Variants in TULP4 observed in about 807,000 individuals in gnomAD.
TULP4 encodes tubby-related protein 4.
A neutral mutation model predicts 129.0 loss-of-function variants in TULP4; 16 were observed. The ratio of observed to expected loss-of-function variants is 0.12; its 90% CI spans 0.08 to 0.19. TULP4 has a LOEUF of 0.19. Ranked by LOEUF, TULP4 falls within the 10% of genes least tolerant of loss-of-function variation. TULP4 has a pLI of 1.00. For synonymous variants in TULP4, 998 were observed against 854.0 expected (o/e 1.17, Z -2.94); for missense variants, 1,842 against 2,059.1 (o/e 0.89, Z 2.04).
intron 1 of TULP4, among the ~76,000 whole-genome samples, chr6:158,239,561 G>A (rs1283879416): frequency 2.0e-4 from 10 of 49,506 alleles, no homozygotes; most frequent in African/African-American, 2.7e-4. Flanking sequence ...CTCACCTCCC[G>A]GACGGGGCGG....
chr6:158,423,152 GA>G (rs1778392871), intron 2 of TULP4, among the ~76,000 whole-genome samples: 1 of 150,320 alleles, frequency 6.7e-6, no homozygotes, highest in African/African-American at 2.4e-5. Context: ...ACCTTCCCAG[GA>G]CCCCTTTTCC....
At chr6:158,257,803 G>A (rs1026892098) in intron 1 of TULP4, among the ~76,000 whole-genome samples, 1 of 152,172 alleles carries the variant, frequency 6.6e-6, no homozygotes, top group Admixed American at 6.5e-5. Context: ...TCAAAGCAGC[G>A]GTACGAAATA....
In TULP4 at chr6:158,458,036, A is replaced by G. The variant is rs538953652; in HGVS notation, c.860-3527A>G. On this transcript the variant is annotated intron_variant, in intron 5 of 13. Coordinates refer to ENST00000367097, the MANE Select transcript of TULP4 (RefSeq NM_020245.5). ...GCACGTGTGTATGCACATACACAAC[A>G]TGCATGTCTAATGACTAATAAAGAG... 6.8e-4 allele frequency among the ~76,000 whole-genome samples: 103 copies of G among 152,316 alleles called. 1 individual carries two copies. Among genetic ancestry groups the G allele is most frequent in the African/African-American group, 2.2e-3 (92 of 41,558 alleles).
chr6:158,423,125 G>T (rs905416622), intron 2 of TULP4, among the ~76,000 whole-genome samples: 66 of 102,936 alleles, frequency 6.4e-4, no homozygotes, highest in Non-Finnish European at 1.1e-3. Context: ...AAAAAAGAGG[G>T]GGGGGGGGGG....
intron 1 of TULP4, among the ~76,000 whole-genome samples, chr6:158,251,182 A>T (rs1778133171): frequency 6.6e-6 from 1 of 152,200 alleles, no homozygotes; most frequent in Admixed American, 6.5e-5. Context: ...GTTACCACAT[A>T]ATATTATTTT....
chr6:158,442,320 A>C (rs973971054), intron 3 of TULP4, among the ~76,000 whole-genome samples: 1 of 152,198 alleles, frequency 6.6e-6, no homozygotes, highest in Non-Finnish European at 1.5e-5. Context: ...GAAGAGTTGT[A>C]AAATTTTGAA....
intron 1 of TULP4, among the ~76,000 whole-genome samples, chr6:158,293,159 C>T (rs1466269527): frequency 6.6e-6 from 1 of 152,212 alleles, no homozygotes; most frequent in Admixed American, 6.5e-5. Context: ...TTCTCAGAAT[C>T]GGCTATTGAA....
intron 1 of TULP4, among the ~76,000 whole-genome samples, chr6:158,238,599 A>AT (rs1777773280): frequency 8.6e-6 from 1 of 115,684 alleles, no homozygotes; most frequent in African/African-American, 3.3e-5. Flanking sequence ...TGTGTCCCTG[A>AT]TTACTTGAGA....
Position 158,413,890 on chromosome 6 carries a change from C to A in TULP4, c.381+697C>A, listed in dbSNP as rs768993035. Among the ~76,000 whole-genome samples, 1 of 152,194 alleles carries A rather than the reference C, an allele frequency of 6.6e-6. No homozygotes were observed. Among genetic ancestry groups the A allele is most frequent in the Non-Finnish European group, 1.5e-5 (1 of 68,044 alleles). Reference sequence around the variant, plus strand: ...AAAACTGGGACTTAAGAACCTGAATCCTCAGGGGATGTCAATTAATAATTA... The same window carrying A: ...AAAACTGGGACTTAAGAACCTGAATACTCAGGGGATGTCAATTAATAATTA... On this transcript the variant is annotated intron_variant, in intron 2 of 13. Coordinates refer to ENST00000367097, the MANE Select transcript of TULP4 (RefSeq NM_020245.5). The surrounding 1 kb of genome is among the most constrained non-coding windows in gnomAD (Gnocchi z 4.9).
intron 2 of TULP4, among the ~76,000 whole-genome samples, chr6:158,418,785 A>C (rs2115025209): frequency 6.6e-6 from 1 of 152,086 alleles, no homozygotes; most frequent in South Asian, 2.1e-4. Flanking sequence ...ATAAACAGAA[A>C]CCCAATTAGT....
intron 11 of TULP4, among the ~76,000 whole-genome samples, chr6:158,495,419 T>C (rs865881792): frequency 1.3e-5 from 2 of 152,230 alleles, no homozygotes; most frequent in Middle Eastern, 3.2e-3. Flanking sequence ...ATTAAAATGA[T>C]AGCAATAGCC....
intron 3 of TULP4, among the ~76,000 whole-genome samples, chr6:158,444,025 C>A (rs969014652): frequency 1.8e-4 from 27 of 151,902 alleles, no homozygotes; most frequent in African/African-American, 6.3e-4. Context: ...TGAGACCATC[C>A]TGGCTAACAC....
intron 1 of TULP4, among the ~76,000 whole-genome samples, chr6:158,259,486 G>A (rs926631230): frequency 6.6e-6 from 1 of 152,198 alleles, no homozygotes; most frequent in African/African-American, 2.4e-5. Context: ...TGTGAATTGT[G>A]AACCTGTATG....
chr6:158,413,013 C>A lies in TULP4; in HGVS notation c.253-52C>A. The A allele has an allele frequency of 6.4e-7, 1 of 1,570,362 alleles. No individual in the cohort carries two copies. Among genetic ancestry groups the A allele is most frequent in the South Asian group, 1.2e-5 (1 of 85,268 alleles). On this transcript the variant is annotated intron_variant, in intron 1 of 13. Coordinates refer to ENST00000367097, the MANE Select transcript of TULP4 (RefSeq NM_020245.5). The surrounding 1 kb of genome is among the most constrained non-coding windows in gnomAD (Gnocchi z 4.9). ...GTCTGATCACATCACAGAAATAATC[C>A]TGGCCCACAGATTTATTTCCTGTGG...
At chr6:158,438,795 G>A (rs903129124) in intron 3 of TULP4, among the ~76,000 whole-genome samples, 3 of 152,010 alleles carry the variant, frequency 2.0e-5, no homozygotes, top group Non-Finnish European at 4.4e-5. Context: ...ATATTGGCCA[G>A]GCTGGTCTTG....
Position 158,461,745 on chromosome 6 carries a change from G to A in TULP4, c.1026+16G>A, listed in dbSNP as rs1779433048. The A allele has an allele frequency of 6.2e-7, 1 of 1,609,520 alleles. No individual in the cohort carries two copies. The highest frequency in any genetic ancestry group is 2.2e-5 in the East Asian group (1 of 44,826). ...TCTCGTGCAGGTAAGGATGTTCTCT[G>A]GAAACAAGTACATTTTCAGCAGTAT... On this transcript the variant is annotated intron_variant, in intron 6 of 13. Transcript: ENST00000367097.
At chr6:158,392,990 A>T (rs1215244575) in intron 1 of TULP4, among the ~76,000 whole-genome samples, 20 of 139,494 alleles carry the variant, frequency 1.4e-4, no homozygotes, top group Non-Finnish European at 1.2e-4. Context: ...GTATTTAAAA[A>T]AAAAAAAAAA....
chr6:158,441,113 CA>C, intron 3 of TULP4, among the ~76,000 whole-genome samples: 1 of 152,062 alleles, frequency 6.6e-6, no homozygotes, highest in Non-Finnish European at 1.5e-5. Context: ...GTCAGGAGTT[CA>C]AGACCAGCCC....
chr6:158,445,017 T>C (rs1325475781), intron 3 of TULP4, among the ~76,000 whole-genome samples: 1 of 152,146 alleles, frequency 6.6e-6, no homozygotes, highest in Non-Finnish European at 1.5e-5. Context: ...TCTCACCTTG[T>C]TGACCAGGCT....
Sources: allele counts gnomAD v4.1 joint callset (sites outside exome capture counted in the v4.1 genomes callset), GRCh38; gene constraint gnomAD v4.1.1; non-coding constraint Gnocchi (gnomAD v3.1); transcripts MANE v1.5; gene names NCBI Gene and HGNC (gene_info 2026-07-23, HGNC 2026-07-21).